The following HIPK2 variants were observed in gnomAD, a reference collection of about 807,000 sequenced individuals.
HIPK2 encodes homeodomain-interacting protein kinase 2.
Under a neutral mutation model 113.7 loss-of-function variants are expected in HIPK2, and 27 were observed. That is an observed-to-expected ratio of 0.24 (90% CI 0.17 to 0.33). HIPK2 has a LOEUF of 0.33. Ranked by LOEUF, HIPK2 falls within the 10% of genes least tolerant of loss-of-function variation. The probability of loss-of-function intolerance (pLI) is 1.00; values close to 1 mark genes in which losing one functional copy is unlikely to be tolerated. For missense variants in HIPK2, 1,257 were observed against 1,588.0 expected, an observed-to-expected ratio of 0.79 and a Z score of 3.54; for synonymous variants, 631 against 642.2, an observed-to-expected ratio of 0.98 and a Z score of 0.26.
At chr7:139,678,713 T>C (rs578069544) in intron 2 of HIPK2, among the ~76,000 whole-genome samples, 92 of 152,344 alleles carry the variant, frequency 6.0e-4, no homozygotes, top group African/African-American at 2.1e-3. Flanking sequence ...CAGTGGTAGC[T>C]TGATGGGGAT....
intron 1 of HIPK2, among the ~76,000 whole-genome samples, chr7:139,725,548 C>A (rs541666137): frequency 6.0e-4 from 91 of 152,310 alleles, no homozygotes; most frequent in African/African-American, 2.0e-3. Flanking sequence ...CCTAGTTATC[C>A]AGAATTGTCA....
Position 139,630,645 on chromosome 7 carries a change from G to A in HIPK2, c.1347+520C>T, listed in dbSNP as rs1800578263. 1.3e-5 allele frequency among the ~76,000 whole-genome samples: 2 copies of A among 152,184 alleles called. No homozygotes were observed. The highest frequency in any genetic ancestry group is 2.4e-5 in the African/African-American group (1 of 41,444). On this transcript the variant is annotated intron_variant, in intron 4 of 14. Coordinates refer to ENST00000406875, the MANE Select transcript of HIPK2 (RefSeq NM_022740.5). This position sits in a 1 kb window ranked among gnomAD's most constrained non-coding sequence, Gnocchi z 4.0. ...ATTCATGACCTCAAGTGATCCACCCGCCTCAGCCTCCCGAAGTGCTGGGAT... is the reference window on the plus strand; with the variant it reads ...ATTCATGACCTCAAGTGATCCACCCACCTCAGCCTCCCGAAGTGCTGGGAT...
At chr7:139,695,379 G>A (rs900976053) in intron 2 of HIPK2, among the ~76,000 whole-genome samples, 2 of 152,136 alleles carry the variant, frequency 1.3e-5, no homozygotes, top group Admixed American at 6.5e-5. Flanking sequence ...TTCACCACCC[G>A]CTAGTTAGAC....
At chr7:139,757,563 C>A (rs956043560) in intron 1 of HIPK2, among the ~76,000 whole-genome samples, 1 of 152,100 alleles carries the variant, frequency 6.6e-6, no homozygotes, top group East Asian at 1.9e-4. Context: ...AAAAGGCATG[C>A]GACAACATGG....
intron 2 of HIPK2, among the ~76,000 whole-genome samples, chr7:139,664,367 A>G (rs1033780883): frequency 2.6e-5 from 4 of 152,022 alleles, no homozygotes; most frequent in African/African-American, 9.7e-5. Flanking sequence ...GCAAAACCCC[A>G]TCTCTACTAA....
chr7:139,690,854 T>G (rs1159327262), intron 2 of HIPK2, among the ~76,000 whole-genome samples: 1 of 152,100 alleles, frequency 6.6e-6, no homozygotes, highest in Non-Finnish European at 1.5e-5. Context: ...ATCAGAATCA[T>G]GAGCGAAATA....
chr7:139,776,970 TC>T (rs1243004650), intron 1 of HIPK2: 1 of 152,172 alleles, frequency 6.6e-6, no homozygotes, highest in East Asian at 1.9e-4. Context: ...CAGAAAAACG[TC>T]TCCGCCGCTC....
intron 2 of HIPK2, among the ~76,000 whole-genome samples, chr7:139,632,291 T>C (rs950072872): frequency 2.6e-5 from 4 of 152,170 alleles, no homozygotes; most frequent in African/African-American, 7.2e-5. Context: ...GCTGGGTCTA[T>C]AGGAATGCAC....
intron 2 of HIPK2, among the ~76,000 whole-genome samples, chr7:139,640,657 T>G (rs1264691964): frequency 6.6e-6 from 1 of 152,190 alleles, no homozygotes. Flanking sequence ...CCTTATTTTT[T>G]TTTTCTTTTT....
intron 2 of HIPK2, among the ~76,000 whole-genome samples, chr7:139,638,893 G>A (rs563295203): frequency 3.9e-5 from 6 of 152,088 alleles, no homozygotes; most frequent in Admixed American, 6.5e-5. Flanking sequence ...TCCTGACCTC[G>A]TGATCCGCCC....
intron 1 of HIPK2, among the ~76,000 whole-genome samples, chr7:139,770,290 T>C (rs1288271925): frequency 6.6e-6 from 1 of 152,254 alleles, no homozygotes; most frequent in East Asian, 1.9e-4. Flanking sequence ...CTTTTTAAAA[T>C]TTTTTAATTT....
At chr7:139,576,135 C>T (rs1289031969) in intron 13 of HIPK2, among the ~76,000 whole-genome samples, 3 of 152,206 alleles carry the variant, frequency 2.0e-5, no homozygotes, top group African/African-American at 7.2e-5. Context: ...GCTAAAATAA[C>T]CCTCAGAGTC....
At chr7:139,612,177 C>T (rs550808523) in intron 9 of HIPK2, among the ~76,000 whole-genome samples, 72 of 151,738 alleles carry the variant, frequency 4.7e-4, no homozygotes, top group African/African-American at 1.6e-3. Context: ...AACAAACCTA[C>T]GCAATTTGAT....
intron 2 of HIPK2, among the ~76,000 whole-genome samples, chr7:139,682,198 G>A (rs1452017249): frequency 1.3e-5 from 2 of 152,112 alleles, no homozygotes; most frequent in Non-Finnish European, 2.9e-5. Context: ...GACAGGCAAG[G>A]TCCTTATGAT....
At chr7:139,588,688 A>G (rs909472850) in intron 12 of HIPK2, among the ~76,000 whole-genome samples, 3 of 152,092 alleles carry the variant, frequency 2.0e-5, no homozygotes, top group African/African-American at 7.2e-5. Context: ...GAGGACGAGG[A>G]GGGAGCAGGA....
chr7:139,740,070 C>T (rs138005935), intron 1 of HIPK2, among the ~76,000 whole-genome samples: 3 of 152,178 alleles, frequency 2.0e-5, no homozygotes, highest in African/African-American at 7.2e-5. Flanking sequence ...GGTCAGGTGG[C>T]GACTCTATGT....
rs1453779210 is a variant in HIPK2, at chr7:139,631,383, T to C, written c.1228-99A>G. ...GCTTTGAGAAAAATGAAAATGACAA[T>C]TTTTGTAGGGAAAGAAGTTAACAAA... On this transcript the variant is annotated intron_variant, in intron 3 of 14. Coordinates refer to ENST00000406875, the MANE Select transcript of HIPK2 (RefSeq NM_022740.5). The surrounding 1 kb of genome is among the most constrained non-coding windows in gnomAD (Gnocchi z 4.9). 8.1e-6 allele frequency: 12 copies of C among 1,475,036 alleles called. No individual in the cohort carries two copies. The highest frequency in any genetic ancestry group is 1.4e-5 in the South Asian group (1 of 73,726). 91.4% of individuals were successfully genotyped at this position (1,475,036 alleles called of 1,614,324 possible).
chr7:139,637,317 G>A lies in HIPK2; in HGVS notation c.1104-5592C>T, dbSNP rs551844650. Among the ~76,000 whole-genome samples the A allele has an allele frequency of 1.3e-4, 20 of 152,282 alleles. No homozygotes were observed. In the East Asian group the frequency reaches 3.7e-3, roughly 28 times the overall value. On this transcript the variant is annotated intron_variant, in intron 2 of 14. Transcript: ENST00000406875. ...TGGAATGAAATCTAGACCCCTCCAT[G>A]GCCATGGGGCCTCCACGATTGGGAC...
intron 1 of HIPK2, among the ~76,000 whole-genome samples, chr7:139,730,400 G>T (rs1443297974): frequency 6.7e-6 from 1 of 149,848 alleles, no homozygotes; most frequent in African/African-American, 2.5e-5. Context: ...TCACTCTGTC[G>T]CCCAGGCTGG....
Sources: allele counts gnomAD v4.1 joint callset (sites outside exome capture counted in the v4.1 genomes callset), GRCh38; gene constraint gnomAD v4.1.1; non-coding constraint Gnocchi (gnomAD v3.1); transcripts MANE v1.5; gene names NCBI Gene and HGNC (gene_info 2026-07-23, HGNC 2026-07-21).